The following PTPRT variants were observed in gnomAD, a reference collection of about 807,000 sequenced individuals.
PTPRT encodes receptor-type tyrosine-protein phosphatase T.
Under a neutral mutation model 176.8 loss-of-function variants are expected in PTPRT, and 56 were observed. The observed-to-expected ratio is 0.32, with a 90% CI of 0.26 to 0.40. The LOEUF is 0.40. Among genes scored for constraint, PTPRT ranks in the 10% least tolerant of loss-of-function variants. The pLI is 1.00. For synonymous variants in PTPRT, 783 were observed against 739.0 expected (o/e 1.06, Z -0.96); for missense variants, 1,540 against 1,908.2 (o/e 0.81, Z 3.60).
intron 7 of PTPRT, among the ~76,000 whole-genome samples, chr20:42,586,818 T>A (rs1024556603): frequency 2.0e-5 from 3 of 152,180 alleles, no homozygotes; most frequent in Admixed American, 1.3e-4. Context: ...CCCATGTATA[T>A]AACCCGAGAC....
At chr20:42,692,784 CAAGTT>C (rs2075811864) in intron 6 of PTPRT, among the ~76,000 whole-genome samples, 1 of 152,010 alleles carries the variant, frequency 6.6e-6, no homozygotes, top group African/African-American at 2.4e-5. Flanking sequence ...TAAAAATTAA[CAAGTT>C]AATTTAGAAA....
chr20:42,601,683 C>T (rs2073784193), intron 7 of PTPRT, among the ~76,000 whole-genome samples: 1 of 152,096 alleles, frequency 6.6e-6, no homozygotes, highest in Admixed American at 6.6e-5. Context: ...TGGGACGCAG[C>T]ACAACAAATC....
intron 6 of PTPRT, among the ~76,000 whole-genome samples, chr20:42,715,242 C>T (rs1176256791): frequency 1.3e-5 from 2 of 152,128 alleles, no homozygotes; most frequent in African/African-American, 2.4e-5. Flanking sequence ...AGACCACCTA[C>T]AGCAAACTAT....
intron 3 of PTPRT, among the ~76,000 whole-genome samples, chr20:42,780,938 T>C (rs1295183484): frequency 6.6e-6 from 1 of 152,160 alleles, no homozygotes; most frequent in Non-Finnish European, 1.5e-5. Context: ...GATATGAATG[T>C]CTGTGTGGAT....
At chr20:42,225,544 G>GT (rs964270435) in intron 15 of PTPRT, among the ~76,000 whole-genome samples, 7 of 152,044 alleles carry the variant, frequency 4.6e-5, no homozygotes, top group African/African-American at 1.7e-4. Context: ...GCCTTTTTAA[G>GT]TTTTTTTCCT....
intron 9 of PTPRT, among the ~76,000 whole-genome samples, chr20:42,377,035 G>C (rs978388029): frequency 6.6e-6 from 1 of 152,138 alleles, no homozygotes; most frequent in African/African-American, 2.4e-5. Context: ...AGGGAGCAAG[G>C]CTGTCAGATG....
chr20:42,496,292 T>C (rs2071652583), intron 7 of PTPRT, among the ~76,000 whole-genome samples: 1 of 152,098 alleles, frequency 6.6e-6, no homozygotes, highest in South Asian at 2.1e-4. Context: ...AAAAACACAT[T>C]GCAATTTGTC....
intron 1 of PTPRT, among the ~76,000 whole-genome samples, chr20:43,069,783 G>A (rs2011156511): frequency 1.3e-5 from 2 of 152,184 alleles, no homozygotes; most frequent in South Asian, 4.1e-4. Flanking sequence ...CTTCTTGGGA[G>A]CCGTACTAAT....
At chr20:42,206,436 G>C (rs533238523) in intron 15 of PTPRT, among the ~76,000 whole-genome samples, 19 of 152,318 alleles carry the variant, frequency 1.2e-4, no homozygotes, top group Non-Finnish European at 2.6e-4. Flanking sequence ...CACCATGCGC[G>C]AGCCGAAGCA....
intron 7 of PTPRT, among the ~76,000 whole-genome samples, chr20:42,575,759 C>T (rs1438142545): frequency 6.6e-6 from 1 of 152,106 alleles, no homozygotes; most frequent in African/African-American, 2.4e-5. Context: ...ATTGCCAAGG[C>T]CTGTCGATGT....
chr20:42,852,321 A>G (rs890161966), intron 2 of PTPRT, among the ~76,000 whole-genome samples: 12 of 152,242 alleles, frequency 7.9e-5, no homozygotes, highest in African/African-American at 2.4e-4. Context: ...CCTCTGTGTT[A>G]AAGTTTTCAT....
chr20:42,192,742 G>A (rs1475461035), intron 16 of PTPRT, among the ~76,000 whole-genome samples: 2 of 152,214 alleles, frequency 1.3e-5, no homozygotes, highest in Non-Finnish European at 2.9e-5. Context: ...CAGGCTGCAA[G>A]CTCTCTGTTA....
intron 1 of PTPRT, among the ~76,000 whole-genome samples, chr20:43,035,729 TC>T (rs1986350321): frequency 6.6e-6 from 1 of 152,194 alleles, no homozygotes; most frequent in African/African-American, 2.4e-5. Context: ...GCAAAGAAGT[TC>T]CCAACAGTTT....
chr20:42,587,092 A>G (rs1461907822), intron 7 of PTPRT, among the ~76,000 whole-genome samples: 1 of 152,184 alleles, frequency 6.6e-6, no homozygotes, highest in East Asian at 1.9e-4. Flanking sequence ...GCACCAATGC[A>G]AGATCCAGTA....
intron 6 of PTPRT, among the ~76,000 whole-genome samples, chr20:42,709,500 G>T (rs1202316009): frequency 6.6e-6 from 1 of 152,088 alleles, no homozygotes. Context: ...AAGCTTCCTG[G>T]GGCCCTTGCT....
intron 6 of PTPRT, among the ~76,000 whole-genome samples, chr20:42,712,296 G>C (rs753821385): frequency 2.0e-5 from 3 of 152,102 alleles, no homozygotes; most frequent in Non-Finnish European, 4.4e-5. Context: ...ATTTTCTCAG[G>C]CCACAACTGG....
chr20:42,574,794 A>G (rs901747222), intron 7 of PTPRT, among the ~76,000 whole-genome samples: 3 of 152,178 alleles, frequency 2.0e-5, no homozygotes, highest in African/African-American at 4.8e-5. Flanking sequence ...AGGTGATTGC[A>G]TAATGGGGGC....
intron 9 of PTPRT, among the ~76,000 whole-genome samples, chr20:42,444,441 T>C (rs977869845): frequency 6.6e-6 from 1 of 152,190 alleles, no homozygotes; most frequent in Non-Finnish European, 1.5e-5. Context: ...GGAGACAGAA[T>C]GGGACTTAAA....
At chr20:42,798,291 TA>T (rs2077481095) in intron 2 of PTPRT, among the ~76,000 whole-genome samples, 1 of 152,198 alleles carries the variant, frequency 6.6e-6, no homozygotes, top group Non-Finnish European at 1.5e-5. Flanking sequence ...GGATCTAATT[TA>T]AAAGTCCATA....
Sources: gnomAD v4.1 joint callset for allele counts (sites outside exome capture counted in the v4.1 genomes callset) on GRCh38, gnomAD v4.1.1 for gene constraint, MANE v1.5 for transcripts, NCBI Gene and HGNC (gene_info 2026-07-23, HGNC 2026-07-21) for gene names.